The following GLDN variants were observed in gnomAD, a reference collection of about 807,000 sequenced individuals.
GLDN encodes collomin.
In GLDN, 47 loss-of-function variants were observed where a neutral mutation model predicts 56.5. The ratio of observed to expected loss-of-function variants is 0.83; its 90% CI spans 0.66 to 1.06. The LOEUF (loss-of-function observed/expected upper bound fraction) is 1.06. Among genes scored for constraint, GLDN ranks in the 50% least tolerant of loss-of-function variants. The pLI is 0.00. For synonymous variants in GLDN, 332 were observed against 278.8 expected (o/e 1.19, Z -1.90); for missense variants, 782 against 714.3 (o/e 1.09, Z -1.08).
downstream of GLDN, among the ~76,000 whole-genome samples, chr15:51,411,931 C>A (rs1411487524): frequency 1.3e-5 from 2 of 152,128 alleles, no homozygotes; most frequent in Non-Finnish European, 2.9e-5. Context: ...AATATGGGAG[C>A]CACTGTGCCA....
intron 1 of GLDN, among the ~76,000 whole-genome samples, chr15:51,357,776 T>C (rs928529361): frequency 6.6e-6 from 1 of 152,220 alleles, no homozygotes; most frequent in Non-Finnish European, 1.5e-5. Context: ...TGTCCTCAGA[T>C]AAGACTTTCT....
At chr15:51,372,281 A>C (rs1197773975) in intron 1 of GLDN, among the ~76,000 whole-genome samples, 2 of 152,210 alleles carry the variant, frequency 1.3e-5, no homozygotes, top group African/African-American at 2.4e-5. Flanking sequence ...TGCCACATTC[A>C]GGATCAAGTT....
intron 3 of GLDN, 151 bp from the exon 4 acceptor site, chr15:51,383,634 C>A: frequency 1.0e-6 from 1 of 957,370 alleles, no homozygotes. Flanking sequence ...GGCACTGCTT[C>A]AGCCAGAGAA....
At chr15:51,358,370 G>C (rs577382415) in intron 1 of GLDN, among the ~76,000 whole-genome samples, 11 of 152,112 alleles carry the variant, frequency 7.2e-5, no homozygotes, top group Non-Finnish European at 1.3e-4. Context: ...CCAGAAATAC[G>C]CTAACTGGTA....
At chr15:51,408,341 T>A (rs1376808042), downstream of GLDN, among the ~76,000 whole-genome samples, 1 of 152,210 alleles carries the variant, frequency 6.6e-6, no homozygotes, top group African/African-American at 2.4e-5. Context: ...TAAAACTGGA[T>A]TTATGTGAAT....
At position 51,406,278 on chromosome 15, in the gene GLDN, T is replaced by G. The variant is rs1047965785; in HGVS notation, c.*1524T>G. 5 of 140,758 alleles carry G rather than the reference T, an allele frequency of 3.6e-5. No homozygotes were observed. The highest frequency in any genetic ancestry group is 8.0e-5 in the Non-Finnish European group (5 of 62,236). 8.7% of individuals were successfully genotyped at this position (140,758 alleles called of 1,614,324 possible). On this transcript the variant is annotated 3_prime_UTR_variant, in exon 10 of 10. Coordinates refer to ENST00000335449, the MANE Select transcript of GLDN (RefSeq NM_181789.4). The stretch of plus-strand genomic sequence containing the variant: ...TATGCATATTTTCTGCCAACTCACT[T>G]CTTTAAACATCTTTCAGCCCAGCGC...
At chr15:51,389,070 T>A (rs1464086930) in intron 4 of GLDN, among the ~76,000 whole-genome samples, 2 of 152,222 alleles carry the variant, frequency 1.3e-5, no homozygotes, top group Non-Finnish European at 2.9e-5. Context: ...GGAGTTCTAG[T>A]AGCTCTTGCC....
intron 1 of GLDN, among the ~76,000 whole-genome samples, chr15:51,374,279 A>G (rs958861619): frequency 1.3e-5 from 2 of 152,208 alleles, no homozygotes; most frequent in African/African-American, 4.8e-5. Flanking sequence ...CCAGGCAACA[A>G]ATGAAGCCAT....
rs558835975 is a variant in GLDN, at chr15:51,397,460, C to A, written c.689-10C>A. 15 of 1,438,832 alleles carry A rather than the reference C, an allele frequency of 1.0e-5. No homozygotes were observed. The South Asian group carries it at 2.2e-4, about 21-fold the overall frequency. 89.1% of individuals were successfully genotyped at this position (1,438,832 alleles called of 1,614,324 possible). ...CCTCCTTCTCTCCCTTTCTCTCTCT[C>A]TCTCTCCAGGTGCCAAAGGTGACCA... On this transcript the variant is annotated splice_polypyrimidine_tract_variant and intron_variant, in intron 5 of 9. Transcript: ENST00000335449.
intron 1 of GLDN, among the ~76,000 whole-genome samples, chr15:51,350,477 G>A (rs7172765): frequency 0.26 from 39,714 of 152,032 alleles, 5,477 homozygotes; most frequent in Admixed American, 0.31. Flanking sequence ...TCACTGCAGC[G>A]TGTGCACACG....
At chr15:51,383,360 G>T (rs1413421965) in intron 2 of GLDN, 76 bp from the exon 3 acceptor site, 1 of 1,472,872 alleles carries the variant, frequency 6.8e-7, no homozygotes, top group South Asian at 1.1e-5. Flanking sequence ...ATAATTAGGA[G>T]ATTTGAAGGT....
chr15:51,411,946 A>G (rs2038469644), downstream of GLDN, among the ~76,000 whole-genome samples: 1 of 152,220 alleles, frequency 6.6e-6, no homozygotes, highest in African/African-American at 2.4e-5. Context: ...GTGCCAACTT[A>G]AAGATAGCTG....
downstream of GLDN, among the ~76,000 whole-genome samples, chr15:51,411,771 C>T (rs2038467726): frequency 6.6e-6 from 1 of 152,176 alleles, no homozygotes; most frequent in Non-Finnish European, 1.5e-5. Flanking sequence ...AAAATATTTA[C>T]ACAGTAAAAA....
At chr15:51,356,955 C>G (rs928049219) in intron 1 of GLDN, among the ~76,000 whole-genome samples, 4 of 151,840 alleles carry the variant, frequency 2.6e-5, no homozygotes, top group Admixed American at 6.6e-5. Context: ...CTAGAATGAC[C>G]CTAAAGTTTG....
chr15:51,376,861 A>C (rs1309397512), intron 1 of GLDN, among the ~76,000 whole-genome samples: 1 of 152,178 alleles, frequency 6.6e-6, no homozygotes, highest in Non-Finnish European at 1.5e-5. Flanking sequence ...CTCCAGGGGC[A>C]ATAACATGCA....
chr15:51,351,916 C>T (rs1260623179), intron 1 of GLDN, among the ~76,000 whole-genome samples: 1 of 152,148 alleles, frequency 6.6e-6, no homozygotes, highest in African/African-American at 2.4e-5. Context: ...ATAGTAACTA[C>T]CTCATTAGGT....
chr15:51,363,415 T>A lies in GLDN; in HGVS notation c.364-14034T>A, dbSNP rs554087553. ...GCTCGGCTTATCATGTGTTTGCTGA[T>A]GAAAACATCGGTACTTCTAAATCAG... On this transcript the variant is annotated intron_variant, in intron 1 of 9. Coordinates refer to ENST00000335449, the MANE Select transcript of GLDN (RefSeq NM_181789.4). Among the ~76,000 whole-genome samples the A allele has an allele frequency of 1.6e-4, 24 of 152,332 alleles. No homozygotes were observed. The East Asian group carries it at 4.6e-3, about 29-fold the overall frequency.
chr15:51,389,535 G>A (rs1056562165), intron 4 of GLDN, among the ~76,000 whole-genome samples: 1 of 152,152 alleles, frequency 6.6e-6, no homozygotes, highest in Non-Finnish European at 1.5e-5. Flanking sequence ...TGAGCAAATA[G>A]GATACTGTGC....
intron 6 of GLDN, among the ~76,000 whole-genome samples, chr15:51,398,454 G>C (rs1418018569): frequency 6.6e-6 from 1 of 152,234 alleles, no homozygotes; most frequent in Non-Finnish European, 1.5e-5. Flanking sequence ...TCATCTAACT[G>C]AAACTATGAG....
Sources: allele counts gnomAD v4.1 joint callset (sites outside exome capture counted in the v4.1 genomes callset), GRCh38; gene constraint gnomAD v4.1.1; transcripts MANE v1.5; gene names NCBI Gene and HGNC (gene_info 2026-07-23, HGNC 2026-07-21).